Variants in KCTD9 observed in about 807,000 individuals in gnomAD.
The protein encoded by KCTD9 is potassium channel tetramerization domain containing 9.
In KCTD9, 17 loss-of-function variants were observed where a neutral mutation model predicts 53.3. That is an observed-to-expected ratio of 0.32 (90% CI 0.22 to 0.48). The LOEUF is 0.48. Among genes scored for constraint, KCTD9 ranks in the 20% least tolerant of loss-of-function variants. KCTD9 has a pLI of 0.99. For synonymous variants in KCTD9, 128 were observed against 162.7 expected (o/e 0.79, Z 1.62); for missense variants, 179 against 465.5 (o/e 0.38, Z 5.66).
chr8:25,453,155 G>A (rs1220992054), intron 1 of KCTD9, among the ~76,000 whole-genome samples: 3 of 152,076 alleles, frequency 2.0e-5, no homozygotes, highest in Non-Finnish European at 4.4e-5. Flanking sequence ...GAGGTCAGCC[G>A]AGACCAGCCT....
In KCTD9 at chr8:25,431,598, GTACACAGTACTAAA is replaced by G. The variant is rs1428170780; in HGVS notation, c.1053+892_1053+905del. 1.6e-4 allele frequency among the ~76,000 whole-genome samples: 24 copies of G among 152,162 alleles called. No homozygotes were observed. In the East Asian group the frequency reaches 4.6e-3, roughly 29 times the overall value. On this transcript the variant is annotated intron_variant, in intron 11 of 11. Coordinates refer to ENST00000221200, the MANE Select transcript of KCTD9 (RefSeq NM_017634.4). ...GGCTTTTGCTGCTAGGCCACACTGA[GTACACAGTACTAAA>G]ACCAAGGAAAAAAATATAATCTTAG...
chr8:25,435,301 CTTT>C lies in KCTD9; in HGVS notation c.813+59_813+61del, dbSNP rs1463420154. ...AGTTATAATTCCTGTCTCAAAGGCT[CTTT>C]GAGACTGTTCAATAGACTAAACATT... On this transcript the variant is annotated intron_variant, in intron 9 of 11. Transcript: ENST00000221200. 12 of 1,206,472 alleles carry C rather than the reference CTTT, an allele frequency of 9.9e-6. No individual in the cohort carries two copies. In the East Asian group the frequency reaches 3.3e-4, roughly 33 times the overall value. The allele number at this position is 1,206,472 out of a possible 1,614,324, so 74.7% of individuals were successfully genotyped here.
At chr8:25,444,464 A>C in intron 2 of KCTD9, 129 bp from the exon 3 acceptor site, 3 of 776,860 alleles carry the variant, frequency 3.9e-6, no homozygotes, top group Admixed American at 3.4e-5. Context: ...GACTGCAAAG[A>C]AGCTAAGTTT....
chr8:25,456,971 G>C (rs572896876), intron 1 of KCTD9, among the ~76,000 whole-genome samples: 1 of 152,158 alleles, frequency 6.6e-6, no homozygotes, highest in Non-Finnish European at 1.5e-5. Context: ...GTACAGAACA[G>C]GTTTAGAAAA....
intron 1 of KCTD9, among the ~76,000 whole-genome samples, chr8:25,453,147 G>A (rs1331728711): frequency 2.0e-5 from 3 of 151,936 alleles, no homozygotes; most frequent in Non-Finnish European, 4.4e-5. Context: ...CAGATCAGGA[G>A]GTCAGCCGAG....
intron 1 of KCTD9, among the ~76,000 whole-genome samples, chr8:25,451,297 CAA>C (rs1373696441): frequency 5.3e-5 from 8 of 151,438 alleles, no homozygotes; most frequent in African/African-American, 1.9e-4. Flanking sequence ...GAGAAAGTTG[CAA>C]ACAGACTGGC....
chr8:25,451,845 C>T (rs905249079), intron 1 of KCTD9, among the ~76,000 whole-genome samples: 2 of 152,078 alleles, frequency 1.3e-5, no homozygotes, highest in African/African-American at 4.8e-5. Context: ...ACATAATACA[C>T]AATAAATACA....
intron 3 of KCTD9, among the ~76,000 whole-genome samples, chr8:25,441,975 GCCTGAGTGATGAAGTGAGGC>G (rs1248280316): frequency 6.6e-6 from 1 of 152,078 alleles, no homozygotes; most frequent in Non-Finnish European, 1.5e-5. Context: ...CTGCACTACA[GCCTGAGTGATGAAGTGAGGC>G]CCTGTCTCAA....
intron 1 of KCTD9, among the ~76,000 whole-genome samples, chr8:25,455,100 C>T (rs1301639142): frequency 2.0e-5 from 3 of 152,156 alleles, no homozygotes; most frequent in African/African-American, 2.4e-5. Context: ...TGGCAAGCCC[C>T]TGTAATCCCA....
rs781705086 is a variant in KCTD9 at position 25,433,400 on chromosome 8, A to G, written c.849T>C (p.Ser283=). ...GTTTCAGGGATGCTCCTTCTGCATT[A>G]GAACAGAGCATCTTGACTCCCTGGA... ...ANLQGVKMLC[S]NAEGASLKLC... is the part of the protein sequence containing the mutation. Residue 283 remains serine, a synonymous_variant, in exon 10 of 12, where the codon TCT becomes TCC. Transcript: ENST00000221200. 2.5e-6 allele frequency: 4 copies of G among 1,608,594 alleles called. No individual in the cohort carries two copies. The highest frequency in any genetic ancestry group is 3.4e-6 in the Non-Finnish European group (4 of 1,177,010).
chr8:25,444,902 T>C (rs1468528199), intron 2 of KCTD9, among the ~76,000 whole-genome samples: 1 of 152,178 alleles, frequency 6.6e-6, no homozygotes, highest in Admixed American at 6.5e-5. Flanking sequence ...TACTGTATTG[T>C]GAACCAAAAA....
In KCTD9 at chr8:25,429,749, A is replaced by T. The variant is rs183817821; in HGVS notation, c.*108T>A. On this transcript the variant is annotated 3_prime_UTR_variant, in exon 12 of 12. Transcript: ENST00000221200. ...ATAATCCTCTAAATGTTTTTTTTTT[A>T]AATTTCCTTACAGTGTTATTTCTTC... The T allele has an allele frequency of 3.6e-4, 234 of 653,782 alleles. 1 individual carries two copies. Among genetic ancestry groups the T allele is most frequent in the Middle Eastern group, 2.8e-3 (6 of 2,140 alleles). 40.5% of individuals were successfully genotyped at this position (653,782 alleles called of 1,614,324 possible).
intron 1 of KCTD9, among the ~76,000 whole-genome samples, chr8:25,452,742 A>G (rs1802351691): frequency 6.6e-6 from 1 of 152,244 alleles, no homozygotes; most frequent in Admixed American, 6.5e-5. Context: ...AAGAAAATAA[A>G]CAACCTAATG....
At chr8:25,432,187 T>C (rs1241793560) in intron 11 of KCTD9, among the ~76,000 whole-genome samples, 1 of 152,210 alleles carries the variant, frequency 6.6e-6, no homozygotes, top group Non-Finnish European at 1.5e-5. Flanking sequence ...AAATAGACTT[T>C]TCCTGAACCT....
In KCTD9 at chr8:25,436,323, T is replaced by C. The variant is rs1802017155; in HGVS notation, c.575A>G (p.Gln192Arg). The C allele has an allele frequency of 1.2e-6, 2 of 1,612,098 alleles. No individual in the cohort carries two copies. The highest frequency in any genetic ancestry group is 1.7e-6 in the Non-Finnish European group (2 of 1,178,890). ...TATTGGTGAATGATCCTCCGGTGGT[T>C]GAGAATTCTTAAAAAAGACATTAAG... ...EHLEVAIKNS[Q>R]PPEDHSPISR... Residue 192 changes from glutamine (Q) to arginine (R), a missense_variant, in exon 8 of 12, where the codon CAA becomes CGA. Transcript: ENST00000221200.
chr8:25,448,831 C>T (rs914208733), intron 1 of KCTD9, among the ~76,000 whole-genome samples: 2 of 151,958 alleles, frequency 1.3e-5, no homozygotes, highest in Non-Finnish European at 2.9e-5. Context: ...AGGAGAATTG[C>T]TTCAACCCGG....
At chr8:25,457,759 G>A (rs951734652) in intron 1 of KCTD9, 1 of 155,436 alleles carries the variant, frequency 6.4e-6, no homozygotes, top group Non-Finnish European at 1.4e-5. Flanking sequence ...CATCTCCACA[G>A]GCTCTGGTGC....
chr8:25,452,541 C>T (rs1310733560), intron 1 of KCTD9, among the ~76,000 whole-genome samples: 1 of 152,206 alleles, frequency 6.6e-6, no homozygotes, highest in Non-Finnish European at 1.5e-5. Flanking sequence ...TACCCCACCC[C>T]AGACCTACTG....
chr8:25,427,919 T>C lies in KCTD9; in HGVS notation c.*1938A>G, dbSNP rs1288744666. On this transcript the variant is annotated 3_prime_UTR_variant, in exon 12 of 12. Transcript: ENST00000221200. ...CATAACAAATTAAGTTATACTGTAT[T>C]TCCTTTGCTACCCAGAACCACAGGG... The C allele has an allele frequency of 2.6e-5, 4 of 152,316 alleles. No individual in the cohort carries two copies. Among genetic ancestry groups the C allele is most frequent in the Admixed American group, 2.6e-4 (4 of 15,298 alleles). The allele number at this position is 152,316 out of a possible 1,614,324, so 9.4% of individuals were successfully genotyped here.
Sources: allele counts gnomAD v4.1 joint callset (sites outside exome capture counted in the v4.1 genomes callset), GRCh38; gene constraint gnomAD v4.1.1; transcripts MANE v1.5; gene names NCBI Gene and HGNC (gene_info 2026-07-23, HGNC 2026-07-21).